Variants in MAGI1 observed in about 807,000 individuals in gnomAD.
The protein encoded by MAGI1 is membrane-associated guanylate kinase, WW and PDZ domain-containing protein 1.
Under a neutral mutation model 139.9 loss-of-function variants are expected in MAGI1, and 58 were observed. That is an observed-to-expected ratio of 0.41 (90% CI 0.34 to 0.52). MAGI1 has a LOEUF of 0.52. Among genes scored for constraint, MAGI1 ranks in the 20% least tolerant of loss-of-function variants. The pLI, the probability that MAGI1 is intolerant of heterozygous loss-of-function variation, is 0.12. For missense variants in MAGI1, 1,874 were observed against 1,901.6 expected, an observed-to-expected ratio of 0.99 and a Z score of 0.27; for synonymous variants, 812 against 737.9, an observed-to-expected ratio of 1.10 and a Z score of -1.63.
chr3:65,574,675 A>C lies in MAGI1; in HGVS notation c.430+47297T>G, dbSNP rs2081101140. ...AAAACAAATTTGAAAATGAAGAATAAAGTTGGAAAACTAATAGTACCTAAC... is the reference window on the plus strand; with the variant it reads ...AAAACAAATTTGAAAATGAAGAATACAGTTGGAAAACTAATAGTACCTAAC... On this transcript the variant is annotated intron_variant, in intron 2 of 22. Transcript: ENST00000402939. Among the ~76,000 whole-genome samples, 3 of 152,066 alleles carry C rather than the reference A, an allele frequency of 2.0e-5. 1 individual carries two copies. The South Asian group carries it at 6.2e-4, about 31-fold the overall frequency.
intron 1 of MAGI1, among the ~76,000 whole-genome samples, chr3:65,826,939 T>C (rs1443158352): frequency 6.6e-6 from 1 of 152,202 alleles, no homozygotes; most frequent in Non-Finnish European, 1.5e-5. Context: ...AGCAATGTTC[T>C]TCAGTTTCTC....
In MAGI1 at chr3:65,396,777, G is replaced by A. The variant is rs57373399; in HGVS notation, c.2199+4662C>T. 9.7e-3 allele frequency among the ~76,000 whole-genome samples: 1,476 copies of A among 152,288 alleles called. 23 individuals carry two copies. Among genetic ancestry groups the A allele is most frequent in the African/African-American group, 0.034 (1,403 of 41,546 alleles). ...AGTGCTGATGAGGTATTAGGCCAACGTCATTAAAGGGTGTGTGAAAATCAG... is the reference window on the plus strand; with the variant it reads ...AGTGCTGATGAGGTATTAGGCCAACATCATTAAAGGGTGTGTGAAAATCAG... On this transcript the variant is annotated intron_variant, in intron 13 of 22. Coordinates refer to ENST00000402939, the MANE Select transcript of MAGI1 (RefSeq NM_001033057.2).
intron 12 of MAGI1, among the ~76,000 whole-genome samples, chr3:65,411,962 C>T (rs923522937): frequency 6.6e-6 from 1 of 152,196 alleles, no homozygotes; most frequent in Admixed American, 6.5e-5. Context: ...AAACTGGTCT[C>T]TGCTTTATGG....
intron 2 of MAGI1, among the ~76,000 whole-genome samples, chr3:65,607,641 T>C (rs901481548): frequency 6.6e-6 from 1 of 152,226 alleles, no homozygotes; most frequent in African/African-American, 2.4e-5. Context: ...TGCTCCCTAC[T>C]ACTACCCTGG....
At chr3:65,822,899 A>T (rs1387083226) in intron 1 of MAGI1, among the ~76,000 whole-genome samples, 1 of 152,236 alleles carries the variant, frequency 6.6e-6, no homozygotes, top group Non-Finnish European at 1.5e-5. Context: ...ACAAGGCCCA[A>T]ACTCCAACAC....
intron 1 of MAGI1, among the ~76,000 whole-genome samples, chr3:65,839,099 T>G (rs1302964932): frequency 6.6e-6 from 1 of 152,240 alleles, no homozygotes; most frequent in African/African-American, 2.4e-5. Flanking sequence ...ATGAGTCCTT[T>G]ATTAAGTCAT....
At chr3:65,561,657 C>T (rs1467789531) in intron 2 of MAGI1, among the ~76,000 whole-genome samples, 1 of 152,166 alleles carries the variant, frequency 6.6e-6, no homozygotes, top group East Asian at 1.9e-4. Context: ...CATCAACTCT[C>T]GTTTTATACA....
intron 1 of MAGI1, among the ~76,000 whole-genome samples, chr3:65,649,139 T>C (rs2085438084): frequency 6.6e-6 from 1 of 152,152 alleles, no homozygotes. Flanking sequence ...CTTGGGATGC[T>C]GAGGCAGAAG....
At chr3:65,953,179 G>T (rs2063948822) in intron 1 of MAGI1, among the ~76,000 whole-genome samples, 1 of 152,130 alleles carries the variant, frequency 6.6e-6, no homozygotes, top group African/African-American at 2.4e-5. Context: ...GTGAGCAAAG[G>T]TTCTGATCAA....
intron 1 of MAGI1, among the ~76,000 whole-genome samples, chr3:65,858,096 GAC>G (rs1234367734): frequency 6.7e-6 from 1 of 149,066 alleles, no homozygotes; most frequent in African/African-American, 2.5e-5. Context: ...GTGACAGAGA[GAC>G]ACATTGTCTC....
intron 1 of MAGI1, among the ~76,000 whole-genome samples, chr3:66,011,702 G>C (rs1213649451): frequency 6.6e-6 from 1 of 152,028 alleles, no homozygotes; most frequent in Non-Finnish European, 1.5e-5. Flanking sequence ...TGGTTGAGAC[G>C]ACTTCACAGC....
intron 1 of MAGI1, among the ~76,000 whole-genome samples, chr3:65,712,276 A>G (rs1357851982): frequency 2.0e-5 from 3 of 151,838 alleles, no homozygotes; most frequent in African/African-American, 7.3e-5. Flanking sequence ...GCGCCCACCC[A>G]CCATGCTCTG....
intron 1 of MAGI1, among the ~76,000 whole-genome samples, chr3:65,807,828 G>A (rs73832961): frequency 0.037 from 5,625 of 152,142 alleles, 350 homozygotes; most frequent in African/African-American, 0.13. Flanking sequence ...ATAGATACCA[G>A]TATCTCCATG....
intron 22 of MAGI1, chr3:65,360,366 T>TG: frequency 1.0e-6 from 1 of 978,264 alleles, no homozygotes; most frequent in Non-Finnish European, 1.2e-6. Context: ...TTTTTTTTTT[T>TG]TTAATTTTAA....
At chr3:65,644,535 G>A (rs1378691382) in intron 1 of MAGI1, among the ~76,000 whole-genome samples, 4 of 151,896 alleles carry the variant, frequency 2.6e-5, no homozygotes, top group Non-Finnish European at 4.4e-5. Flanking sequence ...CACTCAGCCT[G>A]AGTGACAGAG....
chr3:65,973,482 C>T (rs544758803), intron 1 of MAGI1, among the ~76,000 whole-genome samples: 1 of 152,300 alleles, frequency 6.6e-6, no homozygotes, highest in Non-Finnish European at 1.5e-5. Context: ...TTTAAGGGCT[C>T]TGTGTACACA....
chr3:65,564,357 T>A (rs1444371361), intron 2 of MAGI1, among the ~76,000 whole-genome samples: 1 of 152,246 alleles, frequency 6.6e-6, no homozygotes, highest in African/African-American at 2.4e-5. Context: ...ATAATTCCAC[T>A]GCCATCTTCT....
intron 1 of MAGI1, among the ~76,000 whole-genome samples, chr3:65,870,162 G>A (rs956539052): frequency 6.6e-6 from 1 of 151,956 alleles, no homozygotes; most frequent in Non-Finnish European, 1.5e-5. Context: ...TGTGCGTAAT[G>A]ATCAGTAAAC....
rs144884872 is a variant in MAGI1, at chr3:66,033,189, A to G, written c.313+4807T>C. 4.2e-3 allele frequency among the ~76,000 whole-genome samples: 644 copies of G among 152,030 alleles called. 9 individuals carry two copies. Among genetic ancestry groups the G allele is most frequent in the African/African-American group, 0.015 (623 of 41,476 alleles). On this transcript the variant is annotated intron_variant, in intron 1 of 22. Coordinates refer to ENST00000402939, the MANE Select transcript of MAGI1 (RefSeq NM_001033057.2). ...ACTACAGAAGTTCGCCACCACGCCC[A>G]GCTAGTTTATGTATTTTTTGGTAGA...
Sources: allele counts gnomAD v4.1 joint callset (sites outside exome capture counted in the v4.1 genomes callset), GRCh38; gene constraint gnomAD v4.1.1; transcripts MANE v1.5; gene names NCBI Gene and HGNC (gene_info 2026-07-23, HGNC 2026-07-21).